The following XIAP variants were observed in gnomAD, a reference collection of about 807,000 sequenced individuals.
XIAP encodes X-linked inhibitor of apoptosis.
Under a neutral mutation model 33.1 loss-of-function variants are expected in XIAP, and 3 were observed. That is an observed-to-expected ratio of 0.09 (90% CI 0.04 to 0.23). The LOEUF (loss-of-function observed/expected upper bound fraction) is 0.23. XIAP is among the 10% of genes least tolerant of loss of function. The pLI, the probability that XIAP is intolerant of heterozygous loss-of-function variation, is 1.00. For missense variants in XIAP, 264 were observed against 363.0 expected (o/e 0.73, Z 2.22); for synonymous variants, 98 against 121.3 (o/e 0.81, Z 1.26).
At position 123,885,713 on chromosome X, in the gene XIAP, C is replaced by G; in HGVS notation, c.51C>G (p.Ile17Met). Residue 17 changes from isoleucine (I) to methionine (M), a missense_variant, in exon 2 of 7, where the codon ATC (isoleucine) becomes ATG (methionine). Ile to Met is a conservative substitution (Grantham distance 10, BLOSUM62 1). Coordinates refer to ENST00000371199, the MANE Select transcript of XIAP (RefSeq NM_001167.4). ...CTAAAACTTGTGTACCTGCAGACAT[C>G]AATAAGGAAGAAGAATTTGTAGAAG... ...EGSKTCVPAD[I>M]NKEEEFVEEF... 2.5e-6 allele frequency: 3 copies of G among 1,210,506 alleles called. No homozygotes were observed. The highest frequency in any genetic ancestry group is 3.4e-6 in the Non-Finnish European group (3 of 894,911).
In XIAP at chrX:123,913,701, TTA is replaced by T. The variant is rs755987116; in HGVS notation, c.*6522_*6523del. 2.5e-5 allele frequency: 8 copies of T among 321,755 alleles called. No individual in the cohort carries two copies. The highest frequency in any genetic ancestry group is 2.0e-4 in the South Asian group (7 of 35,877). 26.5% of individuals were successfully genotyped at this position (321,755 alleles called of 1,213,427 possible). The stretch of plus-strand genomic sequence containing the variant: ...GATGTAACAAGGGTTTTAATGTAAT[TTA>T]TGTTAGATTTTGCATTTTTTTCATT... On this transcript the variant is annotated 3_prime_UTR_variant, in exon 7 of 7. Coordinates refer to ENST00000371199, the MANE Select transcript of XIAP (RefSeq NM_001167.4).
intron 5 of XIAP, among the ~76,000 whole-genome samples, chrX:123,896,502 A>T (rs2053461356): frequency 9.0e-6 from 1 of 111,059 alleles, no homozygotes; most frequent in Non-Finnish European, 1.9e-5. Flanking sequence ...TTCTAAATGA[A>T]GATGATAGTT....
At chrX:123,891,140 G>C in intron 3 of XIAP, 98 bp from the exon 4 acceptor site, 1 of 429,723 alleles carries the variant, frequency 2.3e-6, no homozygotes, top group Non-Finnish European at 4.1e-6. Context: ...TGAAAAGCAA[G>C]TTAATGGAAT....
intron 1 of XIAP, among the ~76,000 whole-genome samples, chrX:123,875,689 ATTT>A (rs34235775): frequency 1.0e-5 from 1 of 99,666 alleles, no homozygotes. Context: ...TTTCTTATAG[ATTT>A]TTTTTTTTTT....
At chrX:123,878,727 G>T (rs1303044975) in intron 1 of XIAP, 1 of 112,313 alleles carries the variant, frequency 8.9e-6, no homozygotes, top group Non-Finnish European at 1.9e-5. Context: ...GAATGAGTTT[G>T]TTCTGTTTAT....
chrX:123,884,932 G>GT (rs1421465415), intron 1 of XIAP, among the ~76,000 whole-genome samples: 2 of 83,179 alleles, frequency 2.4e-5, no homozygotes, highest in Non-Finnish European at 4.5e-5. Flanking sequence ...CAGGGCACAT[G>GT]TATGTCATGG....
rs1569480091 is a variant in XIAP at position 123,908,964 on chromosome X, TCTC to T, written c.*1786_*1788del. 3.0e-6 allele frequency: 1 copy of T among 337,397 alleles called. No homozygotes were observed. The highest frequency in any genetic ancestry group is 5.7e-6 in the Non-Finnish European group (1 of 176,540). 27.8% of individuals were successfully genotyped at this position (337,397 alleles called of 1,213,427 possible). On this transcript the variant is annotated 3_prime_UTR_variant, in exon 7 of 7. Transcript: ENST00000371199. ...TCTAAGAGAAAGAGTATTGTTATGT[TCTC>T]CTAACTTCTGTTGATTACTACTTTA...
At chrX:123,883,433 C>G (rs1231597174) in intron 1 of XIAP, among the ~76,000 whole-genome samples, 3 of 109,705 alleles carry the variant, frequency 2.7e-5, no homozygotes, top group Non-Finnish European at 5.7e-5. Context: ...TATACTTATC[C>G]CTATTAAATT....
intron 1 of XIAP, 164 bp downstream of exon 1, chrX:123,860,457 C>A (rs1283510301): frequency 7.7e-6 from 2 of 261,363 alleles, no homozygotes; most frequent in Admixed American, 4.9e-5. Flanking sequence ...GCTGCTTGCC[C>A]GGGTTCCTCG....
At chrX:123,895,557 C>G (rs1190175127) in intron 5 of XIAP, among the ~76,000 whole-genome samples, 1 of 111,895 alleles carries the variant, frequency 8.9e-6, no homozygotes, top group Non-Finnish European at 1.9e-5. Context: ...CACCCTTTAA[C>G]ATTCCTACCA....
At chrX:123,889,469 G>A (rs1025977942) in intron 3 of XIAP, among the ~76,000 whole-genome samples, 2 of 109,889 alleles carry the variant, frequency 1.8e-5, no homozygotes, top group Non-Finnish European at 3.8e-5. Context: ...GCCTCCCAAA[G>A]TGTTGGCATT....
At position 123,908,107 on chromosome X, in the gene XIAP, T is replaced by C. The variant is rs780487590; in HGVS notation, c.*926T>C. ...GAAAGTATTTTGCTGATTTAAAGGC[T>C]TAGGCATGTTCAAACGCCTGCAAAA... On this transcript the variant is annotated 3_prime_UTR_variant, in exon 7 of 7. Coordinates refer to ENST00000371199, the MANE Select transcript of XIAP (RefSeq NM_001167.4). The C allele has an allele frequency of 8.2e-6, 3 of 364,230 alleles. No individual in the cohort carries two copies. Among genetic ancestry groups the C allele is most frequent in the South Asian group, 7.8e-5 (3 of 38,648 alleles). 30.0% of individuals were successfully genotyped at this position (364,230 alleles called of 1,213,427 possible).
rs2053344293 is a variant in XIAP at position 123,885,641 on chromosome X, CA to C, written c.-20del. On this transcript the variant is annotated 5_prime_UTR_variant, in exon 2 of 7. Transcript: ENST00000371199. ...ATGTTCTCTTTTTAGAAAAGGTGGACAAGTCCTATTTTCAAGAGAAGATGAC... is the reference window on the plus strand; with the variant it reads ...ATGTTCTCTTTTTAGAAAAGGTGGACAGTCCTATTTTCAAGAGAAGATGAC... 1 of 1,204,167 alleles carries C rather than the reference CA, an allele frequency of 8.3e-7. No individual in the cohort carries two copies. The highest frequency in any genetic ancestry group is 1.1e-6 in the Non-Finnish European group (1 of 892,440).
intron 1 of XIAP, among the ~76,000 whole-genome samples, chrX:123,881,641 T>C (rs1203018097): frequency 8.9e-6 from 1 of 112,247 alleles, no homozygotes; most frequent in Non-Finnish European, 1.9e-5. Flanking sequence ...AAGCTTCAAA[T>C]TGAGATTCTC....
intron 1 of XIAP, among the ~76,000 whole-genome samples, chrX:123,880,543 C>T (rs56107819): frequency 0.19 from 20,519 of 107,629 alleles, 1,472 homozygotes; most frequent in South Asian, 0.38. Context: ...TCAATTCCAG[C>T]CTGGCCAACA....
chrX:123,865,111 C>T (rs1382551228), intron 1 of XIAP, among the ~76,000 whole-genome samples: 1 of 108,937 alleles, frequency 9.2e-6, no homozygotes, highest in African/African-American at 3.3e-5. Context: ...AATTCTCAAG[C>T]TTTATCTCTG....
chrX:123,904,748 C>T (rs888611974), intron 6 of XIAP, among the ~76,000 whole-genome samples: 3 of 112,082 alleles, frequency 2.7e-5, no homozygotes, highest in Non-Finnish European at 3.8e-5. Flanking sequence ...CTCAGCCTCC[C>T]GAGTAGCTGG....
chrX:123,877,922 C>T (rs1486669457), intron 1 of XIAP, among the ~76,000 whole-genome samples: 2 of 107,793 alleles, frequency 1.9e-5, no homozygotes, highest in Non-Finnish European at 3.8e-5. Context: ...TGCAGTGAGC[C>T]GAGATCGCGC....
intron 1 of XIAP, among the ~76,000 whole-genome samples, chrX:123,876,458 C>T (rs1159291275): frequency 9.0e-6 from 1 of 111,303 alleles, no homozygotes. Context: ...AATCACAACA[C>T]TTTGGGAGGC....
Sources: allele counts gnomAD v4.1 joint callset (sites outside exome capture counted in the v4.1 genomes callset), GRCh38; gene constraint gnomAD v4.1.1; transcripts MANE v1.5; gene names NCBI Gene and HGNC (gene_info 2026-07-23, HGNC 2026-07-21).